COL27A1: variants seen among roughly 807,000 people sequenced by gnomAD.
COL27A1 encodes the protein collagen alpha-1(XXVII) chain.
In COL27A1, 106 loss-of-function variants were observed where a neutral mutation model predicts 251.3. That is an observed-to-expected ratio of 0.42 (90% confidence interval 0.36 to 0.50). COL27A1 has a LOEUF of 0.50. Ranked by LOEUF, COL27A1 falls within the 20% of genes least tolerant of loss-of-function variation. COL27A1 has a pLI of 0.00. For missense variants in COL27A1, 2,325 were observed against 2,522.8 expected (o/e 0.92, Z 1.68); for synonymous variants, 1,000 against 986.3 (o/e 1.01, Z -0.26).
At chr9:114,221,006 A>AG (rs1831068384) in intron 13 of COL27A1, among the ~76,000 whole-genome samples, 3 of 151,606 alleles carry the variant, frequency 2.0e-5, no homozygotes, top group Non-Finnish European at 4.4e-5. Flanking sequence ...AAAAAAAAAA[A>AG]AAAAAAGAAG....
At chr9:114,223,822 T>C (rs1462232744) in intron 14 of COL27A1, among the ~76,000 whole-genome samples, 1 of 152,192 alleles carries the variant, frequency 6.6e-6, no homozygotes, top group Non-Finnish European at 1.5e-5. Flanking sequence ...TGAGTGAGGA[T>C]GTAGATAAAT....
chr9:114,180,528 A>C (rs1470872897), intron 4 of COL27A1, among the ~76,000 whole-genome samples: 2 of 152,148 alleles, frequency 1.3e-5, no homozygotes, highest in Admixed American at 6.6e-5. Context: ...CTGTTTCTAG[A>C]CTGGAAATTC....
At chr9:114,265,606 TG>T in intron 32 of COL27A1, 131 bp downstream of exon 32, 1 of 835,116 alleles carries the variant, frequency 1.2e-6, no homozygotes, top group Non-Finnish European at 1.9e-6. Flanking sequence ...GGCCAGGCCT[TG>T]GGGTTGGTGG....
chr9:114,237,936 G>T (rs896635008), intron 19 of COL27A1, among the ~76,000 whole-genome samples: 1 of 152,190 alleles, frequency 6.6e-6, no homozygotes, highest in African/African-American at 2.4e-5. Flanking sequence ...GCCAAAAGGT[G>T]GCCTCAGAGT....
At position 114,169,112 on chromosome 9, in the gene COL27A1, A is replaced by G. The variant is rs1347854588; in HGVS notation, c.1557A>G (p.Thr519=). 2 of 1,613,982 alleles carry G rather than the reference A, an allele frequency of 1.2e-6. No homozygotes were observed. Among genetic ancestry groups the G allele is most frequent in the African/African-American group, 2.7e-5 (2 of 74,918 alleles). ...PPTSGTSTPR[T]APAVPTPGSA... is the part of the protein sequence containing the mutation. ...CTTCGGGCACCAGCACTCCCAGAAC[A>G]GCACCTGCCGTCCCCACTCCTGGCT... Residue 519 remains threonine, a synonymous_variant, in exon 3 of 61, where the codon ACA becomes ACG. Transcript: ENST00000356083.
At chr9:114,220,126 G>A (rs1830978751) in intron 13 of COL27A1, among the ~76,000 whole-genome samples, 1 of 152,178 alleles carries the variant, frequency 6.6e-6, no homozygotes, top group Non-Finnish European at 1.5e-5. Context: ...AGGTTCATGG[G>A]TCACTCCCCA....
At chr9:114,230,432 G>T (rs73656021) in intron 14 of COL27A1, among the ~76,000 whole-genome samples, 5 of 152,136 alleles carry the variant, frequency 3.3e-5, no homozygotes, top group African/African-American at 1.2e-4. Flanking sequence ...CTGCACACCC[G>T]CAAAGAGAAC....
chr9:114,206,177 G>T, intron 9 of COL27A1, 75 bp from the exon 10 acceptor site: 3 of 1,448,676 alleles, frequency 2.1e-6, no homozygotes, highest in Non-Finnish European at 2.9e-6. Context: ...CCCCAAAGAG[G>T]CAGGACTTGC....
upstream of COL27A1, among the ~76,000 whole-genome samples, chr9:114,154,806 T>C (rs569312252): frequency 9.2e-5 from 14 of 151,880 alleles, no homozygotes. This position sits in a 1 kb window ranked among gnomAD's most constrained non-coding sequence, Gnocchi z 5.8. Flanking sequence ...GGTGAATAAG[T>C]GTAACTTTGC....
At chr9:114,160,697 A>G (rs1003913849) in intron 1 of COL27A1, among the ~76,000 whole-genome samples, 2 of 147,852 alleles carry the variant, frequency 1.4e-5, no homozygotes, top group African/African-American at 5.0e-5. Flanking sequence ...AAAAAAAAAA[A>G]GAGTGAATAA....
intron 13 of COL27A1, among the ~76,000 whole-genome samples, chr9:114,220,356 G>C (rs892126107): frequency 6.6e-6 from 1 of 152,188 alleles, no homozygotes; most frequent in Non-Finnish European, 1.5e-5. Flanking sequence ...CTGGGGAGCC[G>C]AGTCTGTCTT....
chr9:114,240,560 C>A lies in COL27A1; in HGVS notation c.2835+73C>A. The stretch of plus-strand genomic sequence containing the variant: ...CCCCCAGCCTGCCCTGTCCTGGGTA[C>A]TGAAGGCCTTAGCTTGGGCTGGAGC... On this transcript the variant is annotated intron_variant, in intron 21 of 60. Coordinates refer to ENST00000356083, the MANE Select transcript of COL27A1 (RefSeq NM_032888.4). 8.4e-6 allele frequency: 12 copies of A among 1,434,174 alleles called. No individual in the cohort carries two copies. The South Asian group carries it at 1.5e-4, about 17-fold the overall frequency. 88.8% of individuals were successfully genotyped at this position (1,434,174 alleles called of 1,614,324 possible).
chr9:114,179,438 C>A lies in COL27A1; in HGVS notation c.1962+1094C>A, dbSNP rs112473944. On this transcript the variant is annotated intron_variant, in intron 4 of 60. Transcript: ENST00000356083. ...TTGACCTAGGCAGCCTACTCCCTTC[C>A]CCAACCTCCTGAGCCCCCAAGCCTC... Among the ~76,000 whole-genome samples, 260 of 152,330 alleles carry A rather than the reference C, an allele frequency of 1.7e-3. 1 individual carries two copies. Among genetic ancestry groups the A allele is most frequent in the African/African-American group, 6.1e-3 (252 of 41,578 alleles).
rs1381732097 is a variant in COL27A1, at chr9:114,265,350, G to C, written c.3340-72G>C. ...GAGGGGACCCAAATACACTAGGATG[G>C]CTTGCTTGAAATCAAGACAGGGCAG... is the stretch of plus-strand genomic sequence containing the variant. On this transcript the variant is annotated intron_variant, in intron 31 of 60. Coordinates refer to ENST00000356083, the MANE Select transcript of COL27A1 (RefSeq NM_032888.4). 1.5e-5 allele frequency: 23 copies of C among 1,504,298 alleles called. No homozygotes were observed. The East Asian group carries it at 4.8e-4, about 31-fold the overall frequency. 93.2% of individuals were successfully genotyped at this position (1,504,298 alleles called of 1,614,324 possible).
In COL27A1 at chr9:114,306,640, G is replaced by A. The variant is rs755869669; in HGVS notation, c.5059G>A (p.Ala1687Thr). 8 of 1,614,014 alleles carry A rather than the reference G, an allele frequency of 5.0e-6. No individual in the cohort carries two copies. The Admixed American group carries it at 5.0e-5, about 10-fold the overall frequency. ...GCCCCTGGGCACCAAAGAGAACCCC[G>A]CCCGGGTCTGCAGGGACCTCATGGA... ...KTPLGTKENP[A>T]RVCRDLMDCE... Residue 1687 changes from alanine to threonine, a missense_variant, in exon 58 of 61, where the codon GCC becomes ACC. Coordinates refer to ENST00000356083, the MANE Select transcript of COL27A1 (RefSeq NM_032888.4).
chr9:114,223,071 G>A (rs532061466), intron 14 of COL27A1, among the ~76,000 whole-genome samples: 1 of 152,244 alleles, frequency 6.6e-6, no homozygotes, highest in African/African-American at 2.4e-5. Context: ...CTCGAGGAGT[G>A]GTTCTAGCCA....
chr9:114,259,473 T>C (rs561876472), intron 28 of COL27A1, among the ~76,000 whole-genome samples: 1 of 149,560 alleles, frequency 6.7e-6, no homozygotes, highest in Admixed American at 6.6e-5. Context: ...TATTTTATTA[T>C]TGGATTACTT....
rs56094843 is a variant in COL27A1, at chr9:114,311,548, G to GAAAAAAAAAAAAAAAAAAGAAAAAAAA, written c.*870_*871insAGAAAAAAAAAAAAAAAAAAAAAAAAA. 1 of 96,214 alleles carries GAAAAAAAAAAAAAAAAAAGAAAAAAAA rather than the reference G, an allele frequency of 1.0e-5. No homozygotes were observed. The highest frequency in any genetic ancestry group is 2.4e-5 in the Non-Finnish European group (1 of 41,938). The allele number at this position is 96,214 out of a possible 1,614,324, so 6.0% of individuals were successfully genotyped here. On this transcript the variant is annotated 3_prime_UTR_variant, in exon 61 of 61. Coordinates refer to ENST00000356083, the MANE Select transcript of COL27A1 (RefSeq NM_032888.4). ...AGGAGGAAAAAAGAAAAGAAAAAAG[G>GAAAAAAAAAAAAAAAAAAGAAAAAAAA]AAAAAAAAAAAAAAAAAGCAAAACA...
Position 114,290,062 on chromosome 9 carries a change from C to A in COL27A1, c.4211C>A (p.Pro1404Gln). Residue 1404 changes from proline (P) to glutamine (Q), a missense_variant, in exon 46 of 61, where the codon CCA becomes CAA. Around this residue, in one of 4 missense-constraint regions of COL27A1, gnomAD observed 662 missense variants for 795.3 expected, o/e 0.83. Coordinates refer to ENST00000356083, the MANE Select transcript of COL27A1 (RefSeq NM_032888.4). The surrounding 1 kb of genome is among the most constrained non-coding windows in gnomAD (Gnocchi z 4.6). ...ATGTGGCCCTTGATTTTTCAGGGAC[C>A]AAAGGGAAAGCAAGGCAAGGCAGGG... ...GPKGSKGAEG[P>Q]KGKQGKAGAP... 1.2e-6 allele frequency: 2 copies of A among 1,611,752 alleles called. No homozygotes were observed. Among genetic ancestry groups the A allele is most frequent in the East Asian group, 2.2e-5 (1 of 44,864 alleles).
Sources: gnomAD v4.1 joint callset for allele counts (sites outside exome capture counted in the v4.1 genomes callset) on GRCh38, gnomAD v4.1.1 for gene constraint, gnomAD v4.1.1 regional missense constraint, Gnocchi (gnomAD v3.1) non-coding constraint, MANE v1.5 for transcripts, NCBI Gene and HGNC (gene_info 2026-07-23, HGNC 2026-07-21) for gene names.